AUTS2: variants seen among roughly 807,000 people sequenced by gnomAD.
AUTS2 encodes the protein autism susceptibility gene 2 protein.
Under a neutral mutation model 112.4 loss-of-function variants are expected in AUTS2, and 17 were observed. The ratio of observed to expected loss-of-function variants is 0.15; its 90% CI spans 0.10 to 0.23. The LOEUF (loss-of-function observed/expected upper bound fraction) is 0.23, where lower values mean the gene tolerates loss of function less well. Among genes scored for constraint, AUTS2 ranks in the 10% least tolerant of loss-of-function variants. The probability of loss-of-function intolerance (pLI) is 1.00; values close to 1 mark genes in which losing one functional copy is unlikely to be tolerated. For missense variants in AUTS2, 1,510 were observed against 1,701.6 expected, an observed-to-expected ratio of 0.89 and a Z score of 1.98; for synonymous variants, 751 against 702.7, an observed-to-expected ratio of 1.07 and a Z score of -1.09.
At chr7:69,861,397 C>T (rs943605515) in intron 1 of AUTS2, among the ~76,000 whole-genome samples, 1 of 152,078 alleles carries the variant, frequency 6.6e-6, no homozygotes, top group Non-Finnish European at 1.5e-5. Context: ...GTGGATGTTC[C>T]CTATAAAGCA....
intron 2 of AUTS2, among the ~76,000 whole-genome samples, chr7:70,013,344 A>C (rs1239956590): frequency 1.3e-5 from 2 of 152,234 alleles, no homozygotes; most frequent in East Asian, 3.9e-4. Context: ...AGCAGCCAGC[A>C]GAGATGAGAA....
intron 4 of AUTS2, among the ~76,000 whole-genome samples, chr7:70,156,890 G>GT (rs1807794880): frequency 1.7e-4 from 1 of 6,010 alleles, no homozygotes; most frequent in African/African-American, 7.3e-4. Context: ...TCTACTAAAA[G>GT]TAAAAAAAAA....
At chr7:70,518,390 G>A (rs1025582297) in intron 5 of AUTS2, among the ~76,000 whole-genome samples, 36 of 152,158 alleles carry the variant, frequency 2.4e-4, no homozygotes, top group African/African-American at 8.4e-4. Context: ...CTAGAAAAAC[G>A]TGTCTTTTTG....
intron 4 of AUTS2, among the ~76,000 whole-genome samples, chr7:70,235,825 G>T (rs1562809405): frequency 6.6e-6 from 1 of 151,778 alleles, no homozygotes; most frequent in African/African-American, 2.4e-5. Flanking sequence ...CTAATTTTTT[G>T]TGTTTTTAGT....
chr7:70,616,847 G>A (rs564142493), intron 5 of AUTS2, among the ~76,000 whole-genome samples: 53 of 150,226 alleles, frequency 3.5e-4, no homozygotes, highest in Admixed American at 1.9e-3. Flanking sequence ...ACTATTGATG[G>A]AACACGGTCC....
chr7:70,715,741 A>G (rs1015649616), intron 6 of AUTS2, among the ~76,000 whole-genome samples: 3 of 152,044 alleles, frequency 2.0e-5, no homozygotes, highest in Non-Finnish European at 4.4e-5. Context: ...CATGTTAGCC[A>G]GGCTGGTCTC....
Position 70,079,559 on chromosome 7 carries a change from T to C in AUTS2, c.523-38573T>C, listed in dbSNP as rs188528462. ...GTGCTTTTAATATAATTTACTTAAT[T>C]GTAATCAGTATTCAAAATTCATCAC... On this transcript the variant is annotated intron_variant, in intron 2 of 18. Coordinates refer to ENST00000342771, the MANE Select transcript of AUTS2 (RefSeq NM_015570.4). 1.3e-3 allele frequency among the ~76,000 whole-genome samples: 200 copies of C among 152,206 alleles called. 1 individual carries two copies. The East Asian group carries it at 0.016, about 12-fold the overall frequency.
chr7:70,460,646 C>A (rs1483971970), intron 5 of AUTS2, among the ~76,000 whole-genome samples: 1 of 152,074 alleles, frequency 6.6e-6, no homozygotes, highest in African/African-American at 2.4e-5. Flanking sequence ...CCACCCCACC[C>A]GCTGAGCCTG....
intron 5 of AUTS2, among the ~76,000 whole-genome samples, chr7:70,650,362 G>A (rs1292648286): frequency 6.6e-6 from 1 of 152,224 alleles, no homozygotes; most frequent in East Asian, 1.9e-4. Context: ...GCGCCATGCA[G>A]TACCTGAACA....
intron 4 of AUTS2, among the ~76,000 whole-genome samples, chr7:70,338,824 G>GC (rs1230072270): frequency 8.2e-6 from 1 of 121,258 alleles, no homozygotes; most frequent in Admixed American, 8.6e-5. Flanking sequence ...CCCATCTCCA[G>GC]CCTCATCTCT....
At chr7:70,183,476 C>G (rs960463083) in intron 4 of AUTS2, among the ~76,000 whole-genome samples, 1 of 152,216 alleles carries the variant, frequency 6.6e-6, no homozygotes, top group Non-Finnish European at 1.5e-5. Flanking sequence ...GCCCCCTCCC[C>G]TCATGGTTTT....
At chr7:69,799,549 C>T (rs1179062183) in intron 1 of AUTS2, among the ~76,000 whole-genome samples, 1 of 152,150 alleles carries the variant, frequency 6.6e-6, no homozygotes, top group Non-Finnish European at 1.5e-5. Context: ...CTTACACTGA[C>T]ATCTCAGAAA....
intron 1 of AUTS2, among the ~76,000 whole-genome samples, chr7:69,896,894 C>G (rs1005427357): frequency 6.6e-6 from 1 of 152,206 alleles, no homozygotes; most frequent in African/African-American, 2.4e-5. Context: ...TCAGCTCTAA[C>G]CCTCTCCTCT....
At chr7:70,224,693 C>T (rs9691023) in intron 4 of AUTS2, among the ~76,000 whole-genome samples, 1 of 152,010 alleles carries the variant, frequency 6.6e-6, no homozygotes, top group Non-Finnish European at 1.5e-5. Context: ...CTCACTCACT[C>T]ACTCACCTAG....
intron 13 of AUTS2, 148 bp from the exon 14 acceptor site, chr7:70,776,955 C>T: frequency 1.4e-6 from 1 of 721,574 alleles, no homozygotes; most frequent in Non-Finnish European, 2.5e-6. Flanking sequence ...TGGAGAGCTA[C>T]TGATGGAAGG....
At chr7:69,662,112 C>T (rs1179577402) in intron 1 of AUTS2, among the ~76,000 whole-genome samples, 2 of 152,082 alleles carry the variant, frequency 1.3e-5, no homozygotes, top group African/African-American at 2.4e-5. Context: ...TCTCCTTCCC[C>T]CTCCCTTTCT....
chr7:70,342,368 T>C (rs1791306176), intron 4 of AUTS2, among the ~76,000 whole-genome samples: 1 of 151,532 alleles, frequency 6.6e-6, no homozygotes, highest in Admixed American at 6.6e-5. Context: ...AGAAGATCGA[T>C]GAGAAAATGC....
At chr7:69,831,859 CTT>C (rs1265691449) in intron 1 of AUTS2, among the ~76,000 whole-genome samples, 2 of 152,162 alleles carry the variant, frequency 1.3e-5, no homozygotes, top group East Asian at 1.9e-4. Context: ...TTTTACATCA[CTT>C]TACTTAATAA....
Position 69,666,569 on chromosome 7 carries a change from C to G in AUTS2, c.309+66607C>G, listed in dbSNP as rs79846690. ...AGGCACTGGCATTGCACCATGTTCC[C>G]CATGATAAGGAAACAATAAGAGGAA... On this transcript the variant is annotated intron_variant, in intron 1 of 18. Transcript: ENST00000342771. Among the ~76,000 whole-genome samples the G allele has an allele frequency of 8.3e-3, 1,258 of 152,190 alleles. 8 individuals are homozygous for G. Among genetic ancestry groups the G allele is most frequent in the Non-Finnish European group, 0.013 (897 of 68,006 alleles).
Sources: gnomAD v4.1 joint callset for allele counts (sites outside exome capture counted in the v4.1 genomes callset) on GRCh38, gnomAD v4.1.1 for gene constraint, MANE v1.5 for transcripts, NCBI Gene and HGNC (gene_info 2026-07-23, HGNC 2026-07-21) for gene names.